Variants in CSMD3 observed in about 807,000 individuals in gnomAD.
CSMD3 encodes CUB and sushi domain-containing protein 3.
Under a neutral mutation model 435.2 loss-of-function variants are expected in CSMD3, and 177 were observed. That is an observed-to-expected ratio of 0.41 (90% CI 0.36 to 0.46). CSMD3 has a LOEUF of 0.46. Among genes scored for constraint, CSMD3 ranks in the 20% least tolerant of loss-of-function variants. The probability of loss-of-function intolerance (pLI) is 0.34; values close to 1 mark genes in which losing one functional copy is unlikely to be tolerated. For synonymous variants in CSMD3, 1,656 were observed against 1,520.5 expected, an observed-to-expected ratio of 1.09 and a Z score of -2.07; for missense variants, 4,265 against 4,504.6, an observed-to-expected ratio of 0.95 and a Z score of 1.52.
intron 5 of CSMD3, among the ~76,000 whole-genome samples, chr8:113,036,131 T>C (rs901956233): frequency 2.0e-5 from 3 of 152,002 alleles, no homozygotes; most frequent in Non-Finnish European, 4.4e-5. Flanking sequence ...ATTGTTTTCA[T>C]TGGACTAACT....
intron 22 of CSMD3, among the ~76,000 whole-genome samples, chr8:112,592,265 C>G (rs1465433601): frequency 6.6e-6 from 1 of 151,508 alleles, no homozygotes; most frequent in Admixed American, 6.6e-5. Context: ...TTCCTTATGC[C>G]CCTACTGAGA....
intron 60 of CSMD3, among the ~76,000 whole-genome samples, chr8:112,264,270 A>G (rs1209906653): frequency 1.3e-5 from 2 of 152,194 alleles, no homozygotes; most frequent in Non-Finnish European, 2.9e-5. Flanking sequence ...CATATGTCTG[A>G]GTATAATATC....
At chr8:113,296,944 A>C (rs1277132287) in intron 2 of CSMD3, among the ~76,000 whole-genome samples, 2 of 152,204 alleles carry the variant, frequency 1.3e-5, no homozygotes, top group Admixed American at 6.6e-5. Flanking sequence ...AAGCGAAAAA[A>C]TAAAGCATTT....
rs1255961968 is a variant in CSMD3 at position 112,506,840 on chromosome 8, A to C, written c.4757-11T>G. ...TGCCTCCACAGGGTGCTTTAATTTA[A>C]ACAAACAAATAAAATCTCTTTAAAC... On this transcript the variant is annotated splice_polypyrimidine_tract_variant and intron_variant, in intron 28 of 70. Transcript: ENST00000297405. 2 of 1,607,114 alleles carry C rather than the reference A, an allele frequency of 1.2e-6. No homozygotes were observed. Among genetic ancestry groups the C allele is most frequent in the Non-Finnish European group, 8.5e-7 (1 of 1,175,036 alleles).
At chr8:113,018,760 G>A (rs545424336) in intron 6 of CSMD3, 1 of 320,668 alleles carries the variant, frequency 3.1e-6, no homozygotes, top group Non-Finnish European at 5.8e-6. Flanking sequence ...AGTGATTTGC[G>A]GTACAACTTC....
chr8:113,180,836 T>C (rs1333818967), intron 3 of CSMD3, among the ~76,000 whole-genome samples: 1 of 151,962 alleles, frequency 6.6e-6, no homozygotes, highest in East Asian at 1.9e-4. Flanking sequence ...TGAAAATCCA[T>C]TCACTTCTGT....
At chr8:112,589,881 G>C (rs927149876) in intron 22 of CSMD3, among the ~76,000 whole-genome samples, 4 of 152,102 alleles carry the variant, frequency 2.6e-5, no homozygotes, top group African/African-American at 7.2e-5. Flanking sequence ...TTTATGGAGA[G>C]TATACCGCTA....
intron 54 of CSMD3, among the ~76,000 whole-genome samples, chr8:112,293,326 T>G (rs1025210015): frequency 5.3e-5 from 8 of 152,094 alleles, no homozygotes; most frequent in Non-Finnish European, 1.0e-4. Flanking sequence ...AGAACAAAAC[T>G]GCACCAGTTT....
At chr8:113,043,589 A>G (rs957170997) in intron 5 of CSMD3, among the ~76,000 whole-genome samples, 24 of 124,964 alleles carry the variant, frequency 1.9e-4, no homozygotes, top group Non-Finnish European at 3.1e-4. Context: ...AAAGCCTTTG[A>G]CTGACTGAAT....
At chr8:113,138,804 C>T (rs1349991724) in intron 4 of CSMD3, among the ~76,000 whole-genome samples, 2 of 112,222 alleles carry the variant, frequency 1.8e-5, no homozygotes, top group Admixed American at 9.5e-5. Context: ...CAGAACTAAA[C>T]GTGTTAGTGT....
At chr8:112,373,444 A>G (rs903648628) in intron 38 of CSMD3, among the ~76,000 whole-genome samples, 2 of 151,720 alleles carry the variant, frequency 1.3e-5, no homozygotes, top group Non-Finnish European at 2.9e-5. Context: ...CTCACACGCA[A>G]TATCATTTTT....
chr8:112,636,310 CTTAAA>C (rs2074655732), intron 22 of CSMD3, among the ~76,000 whole-genome samples: 1 of 151,964 alleles, frequency 6.6e-6, no homozygotes, highest in Non-Finnish European at 1.5e-5. Context: ...ATTAAGAGCC[CTTAAA>C]TTAGTTACCT....
In CSMD3 at chr8:112,922,737, T is replaced by C. The variant is rs139896127; in HGVS notation, c.1509-986A>G. 2.2e-3 allele frequency among the ~76,000 whole-genome samples: 336 copies of C among 152,178 alleles called. 2 individuals are homozygous for C. Among genetic ancestry groups the C allele is most frequent in the African/African-American group, 8.0e-3 (334 of 41,542 alleles). On this transcript the variant is annotated intron_variant, in intron 9 of 70. Transcript: ENST00000297405. ...TTTATGGCTAAATAGTCCCTTAACATGGCATAAAAAGTCCTACATGTCATC... is the reference window on the plus strand; with the variant it reads ...TTTATGGCTAAATAGTCCCTTAACACGGCATAAAAAGTCCTACATGTCATC...
At chr8:113,308,425 C>A (rs1309862036) in intron 2 of CSMD3, among the ~76,000 whole-genome samples, 1 of 151,698 alleles carries the variant, frequency 6.6e-6, no homozygotes, top group Non-Finnish European at 1.5e-5. Context: ...CCCAACACCA[C>A]GCCCGGCTGA....
At chr8:112,696,794 C>T (rs890005035) in intron 13 of CSMD3, among the ~76,000 whole-genome samples, 9 of 151,792 alleles carry the variant, frequency 5.9e-5, no homozygotes, top group Non-Finnish European at 7.4e-5. Context: ...AGGCAACCTA[C>T]AGAATGGGAG....
chr8:113,151,203 T>C (rs908047865), intron 4 of CSMD3, among the ~76,000 whole-genome samples: 2 of 152,112 alleles, frequency 1.3e-5, no homozygotes, highest in East Asian at 3.9e-4. Context: ...CCACATTCAC[T>C]TTTCTGTTTC....
At chr8:112,390,301 A>G (rs1830305142) in intron 36 of CSMD3, among the ~76,000 whole-genome samples, 1 of 152,162 alleles carries the variant, frequency 6.6e-6, no homozygotes, top group African/African-American at 2.4e-5. Flanking sequence ...CCACCTCAAG[A>G]CCTCAGGAGA....
chr8:112,755,280 G>A (rs1484024595), intron 13 of CSMD3, among the ~76,000 whole-genome samples: 2 of 151,562 alleles, frequency 1.3e-5, no homozygotes, highest in African/African-American at 4.8e-5. Flanking sequence ...GCAGTGAGCC[G>A]AGATTGCGCC....
chr8:112,453,249 C>T (rs1422013162), intron 32 of CSMD3, among the ~76,000 whole-genome samples: 25 of 152,036 alleles, frequency 1.6e-4, no homozygotes, highest in Non-Finnish European at 2.9e-5. Flanking sequence ...CAACACAGTT[C>T]TGAAAGTCCC....
Sources: gnomAD v4.1 joint callset for allele counts (sites outside exome capture counted in the v4.1 genomes callset) on GRCh38, gnomAD v4.1.1 for gene constraint, MANE v1.5 for transcripts, NCBI Gene and HGNC (gene_info 2026-07-23, HGNC 2026-07-21) for gene names.